ARHGAP40: variants seen among roughly 807,000 people sequenced by gnomAD.
The protein encoded by ARHGAP40 is Rho GTPase activating protein 40.
A neutral mutation model predicts 73.5 loss-of-function variants in ARHGAP40; 43 were observed. That is an observed-to-expected ratio of 0.58 (90% CI 0.46 to 0.75). The LOEUF (loss-of-function observed/expected upper bound fraction) is 0.75. Among genes scored for constraint, ARHGAP40 ranks in the 30% least tolerant of loss-of-function variants. The pLI is 0.00. For synonymous variants in ARHGAP40, 300 were observed against 352.8 expected (o/e 0.85, Z 1.68); for missense variants, 734 against 861.8 (o/e 0.85, Z 1.86).
intron 11 of ARHGAP40, 101 bp downstream of exon 11, chr20:38,644,011 C>T (rs574489456): frequency 9.2e-7 from 1 of 1,084,048 alleles, no homozygotes; most frequent in East Asian, 6.0e-5. Flanking sequence ...CCTAGTGTGT[C>T]CCTTCCAGGA....
At position 38,612,675 on chromosome 20, in the gene ARHGAP40, GAAAGA is replaced by G. The variant is rs369838508; in HGVS notation, c.137+10612_137+10616del. Among the ~76,000 whole-genome samples the G allele has an allele frequency of 2.7e-3, 406 of 151,276 alleles. 3 individuals carry two copies. The highest frequency in any genetic ancestry group is 9.1e-3 in the African/African-American group (373 of 41,208). On this transcript the variant is annotated intron_variant, in intron 1 of 14. Transcript: ENST00000373345. ...AAAGAGTGGGATTCTGTCTGAAAAT[GAAAGA>G]AAAGAAAAGAAAAGAGATAAGAAAA...
intron 5 of ARHGAP40, among the ~76,000 whole-genome samples, chr20:38,632,553 G>A (rs868510660): frequency 2.0e-5 from 3 of 151,938 alleles, no homozygotes; most frequent in Non-Finnish European, 2.9e-5. Context: ...GAGCCACCGC[G>A]CCTGGCCTAA....
At position 38,646,990 on chromosome 20, in the gene ARHGAP40, C is replaced by G. The variant is rs573275827; in HGVS notation, c.1744C>G (p.Pro582Ala). 4 of 1,305,410 alleles carry G rather than the reference C, an allele frequency of 3.1e-6. No homozygotes were observed. The South Asian group carries it at 4.9e-5, about 16-fold the overall frequency. The allele number at this position is 1,305,410 out of a possible 1,614,324, so 80.9% of individuals were successfully genotyped here. A position where few individuals can be genotyped will look rare whatever the true frequency, so the allele number is the denominator to read the frequency against. ...GGTGGCAAAGATCCAGGTGGTCTGGCCTATCAAGGACCCCTTGAAGGTGCC... is the reference window on the plus strand; with the variant it reads ...GGTGGCAAAGATCCAGGTGGTCTGGGCTATCAAGGACCCCTTGAAGGTGCC... The change falls in exon 13 of 15, where the codon CCT (proline) becomes GCT (alanine). Residue 582 changes from proline to alanine, a missense_variant. By Grantham distance (27) the Pro-to-Ala change is conservative. Transcript: ENST00000373345. The surrounding 1 kb of genome is among the most constrained non-coding windows in gnomAD (Gnocchi z 4.5).
At chr20:38,630,112 T>C (rs571858573) in intron 5 of ARHGAP40, among the ~76,000 whole-genome samples, 1 of 148,516 alleles carries the variant, frequency 6.7e-6, no homozygotes, top group Non-Finnish European at 1.5e-5. Context: ...GTTTTTCTTT[T>C]CTTTCTCTTT....
chr20:38,626,307 T>C (rs933890772), intron 2 of ARHGAP40, among the ~76,000 whole-genome samples: 8 of 152,200 alleles, frequency 5.3e-5, no homozygotes, highest in Admixed American at 3.3e-4. Flanking sequence ...CTCTTGTCCA[T>C]TTCCCCCATG....
chr20:38,632,032 C>T (rs1247447647), intron 5 of ARHGAP40, among the ~76,000 whole-genome samples: 3 of 145,524 alleles, frequency 2.1e-5, no homozygotes, highest in Non-Finnish European at 3.0e-5. Context: ...GGCAAAACCT[C>T]GGCTCACTAC....
At chr20:38,644,156 G>T (rs1420814326) in intron 11 of ARHGAP40, among the ~76,000 whole-genome samples, 1 of 152,120 alleles carries the variant, frequency 6.6e-6, no homozygotes, top group Admixed American at 6.5e-5. Flanking sequence ...ACCCCAGATT[G>T]CAGGAGTTCC....
rs1166296737 is a variant in ARHGAP40, at chr20:38,646,097, C to A, written c.1620C>A (p.Ser540Arg). 1 of 1,304,228 alleles carries A rather than the reference C, an allele frequency of 7.7e-7. No homozygotes were observed. Among genetic ancestry groups the A allele is most frequent in the East Asian group, 5.5e-5 (1 of 18,020 alleles). The allele number at this position is 1,304,228 out of a possible 1,614,324, so 80.8% of individuals were successfully genotyped here. The change falls in exon 12 of 15, where the codon AGC (serine) becomes AGA (arginine). Residue 540 changes from serine (S) to arginine (R), a missense_variant. Transcript: ENST00000373345. This position sits in a 1 kb window ranked among gnomAD's most constrained non-coding sequence, Gnocchi z 4.5. ...TGCGAAAACTGAACGACAGTAGCAG[C>A]AGGCGCCCCCAGCTCTGCGACGCAG...
At chr20:38,620,274 T>C (rs528985849) in intron 1 of ARHGAP40, among the ~76,000 whole-genome samples, 1 of 152,244 alleles carries the variant, frequency 6.6e-6, no homozygotes, top group Admixed American at 6.5e-5. Context: ...ACACCTTTTG[T>C]GGATGCGTTC....
chr20:38,621,241 T>A (rs1262623374), intron 1 of ARHGAP40, among the ~76,000 whole-genome samples: 1 of 152,134 alleles, frequency 6.6e-6, no homozygotes, highest in Non-Finnish European at 1.5e-5. Flanking sequence ...AAATAGTCCT[T>A]TTTTAGAGGC....
chr20:38,649,499 A>G (rs1431232398), intron 14 of ARHGAP40, among the ~76,000 whole-genome samples: 2 of 152,228 alleles, frequency 1.3e-5, no homozygotes, highest in Non-Finnish European at 2.9e-5. Flanking sequence ...TTCTGAGGCA[A>G]GGGCACTGGT....
At chr20:38,602,439 C>T (rs116568379) in intron 1 of ARHGAP40, among the ~76,000 whole-genome samples, 2,746 of 152,154 alleles carry the variant, frequency 0.018, 86 homozygotes, top group African/African-American at 0.062. Context: ...GCTCAAGATT[C>T]AGGAGTCTCT....
chr20:38,639,493 G>A (rs2089000651), intron 9 of ARHGAP40, 107 bp downstream of exon 9: 1 of 1,191,654 alleles, frequency 8.4e-7, no homozygotes, highest in African/African-American at 1.6e-5. Context: ...TCCTGGAAAT[G>A]TCTGTTCCAG....
intron 1 of ARHGAP40, among the ~76,000 whole-genome samples, chr20:38,621,049 C>T (rs561758635): frequency 1.3e-5 from 2 of 152,258 alleles, no homozygotes; most frequent in East Asian, 3.9e-4. Flanking sequence ...CTGCACAGGT[C>T]GCACATCCAT....
At chr20:38,602,138 C>T (rs1017369154) in intron 1 of ARHGAP40, 59 bp downstream of exon 1, 36 of 1,234,852 alleles carry the variant, frequency 2.9e-5, no homozygotes, top group African/African-American at 7.8e-5. Context: ...GGGGCATGTG[C>T]GGTCTGTCTT....
intron 1 of ARHGAP40, among the ~76,000 whole-genome samples, chr20:38,618,063 A>C (rs2088852733): frequency 6.6e-6 from 1 of 151,716 alleles, no homozygotes; most frequent in African/African-American, 2.4e-5. Flanking sequence ...TAGGATTCAA[A>C]TTCAGACCCA....
chr20:38,639,478 C>T lies in ARHGAP40; in HGVS notation c.1279+92C>T, dbSNP rs575328623. ...GGGAAGCCATGCAAAGGCAGGACTC[C>T]GTGTTCCTGGAAATGTCTGTTCCAG... On this transcript the variant is annotated intron_variant, in intron 9 of 14. Transcript: ENST00000373345. 303 of 1,227,948 alleles carry T rather than the reference C, an allele frequency of 2.5e-4. 2 individuals are homozygous for T. The East Asian group carries it at 0.011, about 44-fold the overall frequency. 76.1% of individuals were successfully genotyped at this position (1,227,948 alleles called of 1,614,324 possible).
At chr20:38,617,496 C>T (rs1041469839) in intron 1 of ARHGAP40, among the ~76,000 whole-genome samples, 4 of 152,186 alleles carry the variant, frequency 2.6e-5, no homozygotes, top group East Asian at 3.9e-4. Context: ...GAAAAAGGGA[C>T]GTGCCCACAG....
In ARHGAP40 at chr20:38,637,811, C is replaced by T; in HGVS notation, c.1041+12C>T. The T allele has an allele frequency of 1.5e-6, 2 of 1,304,030 alleles. No individual in the cohort carries two copies. Among genetic ancestry groups the T allele is most frequent in the Non-Finnish European group, 2.0e-6 (2 of 988,462 alleles). The allele number at this position is 1,304,030 out of a possible 1,614,324, so 80.8% of individuals were successfully genotyped here. A position where few individuals can be genotyped will look rare whatever the true frequency, so the allele number is the denominator to read the frequency against. ...TGGTCCTTCAAGCCGTAAGTCGCCC[C>T]TACCCCAGCTTGGGTTTATTTAATC... On this transcript the variant is annotated intron_variant, in intron 7 of 14. Coordinates refer to ENST00000373345, the Ensembl canonical transcript of ARHGAP40.
Sources: allele counts gnomAD v4.1 joint callset (sites outside exome capture counted in the v4.1 genomes callset), GRCh38; gene constraint gnomAD v4.1.1; non-coding constraint Gnocchi (gnomAD v3.1); transcripts MANE v1.5; gene names NCBI Gene and HGNC (gene_info 2026-07-23, HGNC 2026-07-21).